PAAF1: variants seen among roughly 807,000 people sequenced by gnomAD.
PAAF1 encodes the protein proteasomal ATPase-associated factor 1.
A neutral mutation model predicts 52.8 loss-of-function variants in PAAF1; 46 were observed. That is an observed-to-expected ratio of 0.87 (90% CI 0.69 to 1.11). The LOEUF (loss-of-function observed/expected upper bound fraction) is 1.11, where lower values mean the gene tolerates loss of function less well. PAAF1 is among the 50% of genes most tolerant of loss of function. The pLI, the probability that PAAF1 is intolerant of heterozygous loss-of-function variation, is 0.00. For synonymous variants in PAAF1, 178 were observed against 172.8 expected (o/e 1.03, Z -0.24); for missense variants, 424 against 477.4 (o/e 0.89, Z 1.04).
intron 2 of PAAF1, among the ~76,000 whole-genome samples, chr11:73,881,776 G>A (rs1591038074): frequency 6.6e-6 from 1 of 151,798 alleles, no homozygotes; most frequent in East Asian, 1.9e-4. Flanking sequence ...GTGCAATCTT[G>A]GCTCACTGCA....
upstream of PAAF1, chr11:73,876,951 C>T: frequency 7.0e-7 from 1 of 1,432,342 alleles, no homozygotes; most frequent in Non-Finnish European, 9.3e-7. Context: ...CCTCTGTCCT[C>T]GCCGCACGCT....
intron 10 of PAAF1, among the ~76,000 whole-genome samples, 169 bp from the exon 11 acceptor site, chr11:73,924,446 C>CA (rs1357141720): frequency 1.3e-5 from 2 of 151,552 alleles, no homozygotes; most frequent in Admixed American, 6.6e-5. Context: ...AACTCTGTCT[C>CA]AAAAAACAAA....
rs1202801201 is a variant in PAAF1 at position 73,910,505 on chromosome 11, T to C, written c.727+912T>C. Among the ~76,000 whole-genome samples, 6 of 152,156 alleles carry C rather than the reference T, an allele frequency of 3.9e-5. No individual in the cohort carries two copies. The East Asian group carries it at 7.7e-4, about 20-fold the overall frequency. The stretch of plus-strand genomic sequence containing the variant: ...AATTAAGAGGGGTAGTAGTAGGAAA[T>C]GGGTTGAATAGCTGTGGTGAGAGAC... On this transcript the variant is annotated intron_variant, in intron 7 of 11. Coordinates refer to ENST00000310571, the MANE Select transcript of PAAF1 (RefSeq NM_025155.3).
chr11:73,878,636 T>A (rs1282150365), intron 1 of PAAF1, 143 bp from the exon 2 acceptor site: 2 of 608,454 alleles, frequency 3.3e-6, no homozygotes, highest in Non-Finnish European at 2.9e-6. Context: ...TAGAATGATC[T>A]ATACTCGATG....
intron 4 of PAAF1, among the ~76,000 whole-genome samples, chr11:73,894,739 G>A (rs942106527): frequency 1.7e-4 from 26 of 152,136 alleles, no homozygotes; most frequent in African/African-American, 4.8e-4. Context: ...CACAAGAATC[G>A]CTTGAACCCA....
chr11:73,880,736 C>G (rs1246375545), intron 2 of PAAF1: 5 of 147,004 alleles, frequency 3.4e-5, no homozygotes, highest in Non-Finnish European at 5.9e-5. Context: ...CAGCAGCTCA[C>G]GCCTGTGATC....
intron 5 of PAAF1, 47 bp downstream of exon 5, chr11:73,899,291 C>A: frequency 6.8e-7 from 1 of 1,461,104 alleles, no homozygotes; most frequent in South Asian, 1.2e-5. Context: ...AAAGGGTGGT[C>A]TGAGAAGCCT....
At chr11:73,897,110 C>T (rs1169249248) in intron 4 of PAAF1, among the ~76,000 whole-genome samples, 1 of 146,870 alleles carries the variant, frequency 6.8e-6, no homozygotes, top group East Asian at 2.1e-4. Context: ...AGAGTGGCTC[C>T]TCACTTCCCA....
chr11:73,912,223 T>C (rs1591110178), intron 7 of PAAF1, among the ~76,000 whole-genome samples: 1 of 152,326 alleles, frequency 6.6e-6, no homozygotes, highest in South Asian at 2.1e-4. Context: ...ATCTGTTCTA[T>C]AGCTATCATT....
At chr11:73,922,138 T>C in intron 10 of PAAF1, 1 of 932,326 alleles carries the variant, frequency 1.1e-6, no homozygotes. Flanking sequence ...AACAGTGCCA[T>C]GTTTCCAATG....
intron 2 of PAAF1, among the ~76,000 whole-genome samples, chr11:73,884,549 T>A (rs2135131357): frequency 6.6e-6 from 1 of 152,040 alleles, no homozygotes; most frequent in Middle Eastern, 3.4e-3. Flanking sequence ...AGTCATTGAG[T>A]GATTGGTTGA....
At chr11:73,876,937 C>A, upstream of PAAF1, 20 of 1,344,712 alleles carry the variant, frequency 1.5e-5, no homozygotes, top group Non-Finnish European at 2.0e-5. Context: ...TGGTGTTGAG[C>A]CCACCTCTGT....
At chr11:73,887,975 C>T (rs1949106638) in intron 3 of PAAF1, among the ~76,000 whole-genome samples, 1 of 152,116 alleles carries the variant, frequency 6.6e-6, no homozygotes, top group Non-Finnish European at 1.5e-5. Flanking sequence ...GTCTCGAACT[C>T]CTGACCTCGT....
chr11:73,906,635 A>G (rs1457335871), intron 6 of PAAF1, among the ~76,000 whole-genome samples: 1 of 152,152 alleles, frequency 6.6e-6, no homozygotes, highest in Non-Finnish European at 1.5e-5. Context: ...TTTTAATGAT[A>G]TTTTCTCACA....
chr11:73,883,514 T>A (rs1286068815), intron 2 of PAAF1, among the ~76,000 whole-genome samples: 1 of 151,938 alleles, frequency 6.6e-6, no homozygotes, highest in Non-Finnish European at 1.5e-5. Context: ...TAGTATAATG[T>A]TTCTTTCTTT....
chr11:73,903,587 G>A (rs1345610730), intron 6 of PAAF1, among the ~76,000 whole-genome samples: 1 of 151,110 alleles, frequency 6.6e-6, no homozygotes, highest in Non-Finnish European at 1.5e-5. Context: ...TGTGGTGGCT[G>A]GAGCCTGTAA....
intron 2 of PAAF1, 170 bp from the exon 3 acceptor site, chr11:73,887,184 A>C (rs781062125): frequency 2.2e-5 from 12 of 534,148 alleles, no homozygotes; most frequent in Non-Finnish European, 3.7e-5. Flanking sequence ...TAAGACACCT[A>C]ATCTAATTCT....
chr11:73,922,380 G>GT (rs1950244610), intron 10 of PAAF1, among the ~76,000 whole-genome samples: 1 of 152,162 alleles, frequency 6.6e-6, no homozygotes, highest in Non-Finnish European at 1.5e-5. Flanking sequence ...CCACATTTCA[G>GT]TTAATTATAA....
intron 9 of PAAF1, 62 bp downstream of exon 9, chr11:73,916,722 T>A: frequency 8.7e-7 from 1 of 1,147,940 alleles, no homozygotes; most frequent in Non-Finnish European, 1.3e-6. Context: ...TTATTGGCTT[T>A]AACATTGATT....
Sources: gnomAD v4.1 joint callset for allele counts (sites outside exome capture counted in the v4.1 genomes callset) on GRCh38, gnomAD v4.1.1 for gene constraint, MANE v1.5 for transcripts, NCBI Gene and HGNC (gene_info 2026-07-23, HGNC 2026-07-21) for gene names.